Variants in RAB34 observed in about 807,000 individuals in gnomAD.
RAB34 encodes the protein ras-related protein Rab-34.
Under a neutral mutation model 39.0 loss-of-function variants are expected in RAB34, and 33 were observed. The ratio of observed to expected loss-of-function variants is 0.85; its 90% CI spans 0.64 to 1.13. The LOEUF (loss-of-function observed/expected upper bound fraction) is 1.13, where lower values mean the gene tolerates loss of function less well. Among genes scored for constraint, RAB34 ranks in the 50% most tolerant of loss-of-function variants. The probability of loss-of-function intolerance (pLI) is 0.00; values close to 1 mark genes in which losing one functional copy is unlikely to be tolerated. For synonymous variants in RAB34, 135 were observed against 125.1 expected (o/e 1.08, Z -0.53); for missense variants, 289 against 326.1 (o/e 0.89, Z 0.88).
At chr17:28,716,211 G>T in intron 2 of RAB34, 153 bp from the exon 3 acceptor site, 1 of 987,556 alleles carries the variant, frequency 1.0e-6, no homozygotes, top group East Asian at 2.6e-5. Context: ...GGACAGGTGT[G>T]CTGGGGAGGA....
At position 28,716,936 on chromosome 17, in the gene RAB34, C is replaced by A. The variant is rs999262267; in HGVS notation, c.113G>T (p.Cys38Phe). ...GCCTGTCCGGTGCTCCTGGCAGGCG[C>A]AGGTGACGCGGGGGTGGAAGTCTTT... ...GHKDFHPRVTCACQEHRTGTV... is the reference protein window; with the variant it reads ...GHKDFHPRVTFACQEHRTGTV... The change falls in exon 2 of 10, where the codon TGC (cysteine) becomes TTC (phenylalanine). Residue 38 changes from cysteine (C) to phenylalanine (F), a missense_variant. Physicochemically the swap from Cys to Phe is radical, Grantham distance 205. Coordinates refer to ENST00000395245, the MANE Select transcript of RAB34 (RefSeq NM_031934.6). 1 of 1,613,564 alleles carries A rather than the reference C, an allele frequency of 6.2e-7. No individual in the cohort carries two copies. Among genetic ancestry groups the A allele is most frequent in the African/African-American group, 1.3e-5 (1 of 75,046 alleles).
Position 28,715,829 on chromosome 17 carries a change from C to T in RAB34, c.285G>A (p.Glu95=). ...GCAAACTGAAGGGAATGCCCAGCAC[C>T]TCAAATCGTTCCATCTCGAAGTCCA... ...IGVDFEMERF[E]VLGIPFSLQL... is the part of the protein sequence containing the mutation. The change falls in exon 4 of 10, where the codon GAG becomes GAA. Residue 95 remains glutamate (E), a synonymous_variant. Transcript: ENST00000395245. 2 of 1,614,010 alleles carry T rather than the reference C, an allele frequency of 1.2e-6. No homozygotes were observed. The highest frequency in any genetic ancestry group is 2.2e-5 in the East Asian group (1 of 44,868).
At chr17:28,716,778 G>C (rs1597774837) in intron 2 of RAB34, 125 bp downstream of exon 2, 1 of 1,124,772 alleles carries the variant, frequency 8.9e-7, no homozygotes, top group Non-Finnish European at 1.2e-6. Context: ...GGCTTAAAGA[G>C]GGGGAAATAA....
Position 28,717,345 on chromosome 17 carries a change from C to G in RAB34, c.-79G>C. On this transcript the variant is annotated 5_prime_UTR_variant, in exon 1 of 10. Transcript: ENST00000395245. ...TCAGCGACCCGGGCGCGTGGAGACC[C>G]GACGATCACCCGCGGCCGGGGTGTC... 6.5e-7 allele frequency: 1 copy of G among 1,536,160 alleles called. No individual in the cohort carries two copies. The highest frequency in any genetic ancestry group is 8.7e-7 in the Non-Finnish European group (1 of 1,145,292).
Position 28,717,370 on chromosome 17 carries a change from C to T in RAB34, c.-104G>A. 6.5e-7 allele frequency: 1 copy of T among 1,528,520 alleles called. No homozygotes were observed. The highest frequency in any genetic ancestry group is 8.8e-7 in the Non-Finnish European group (1 of 1,141,268). The allele number at this position is 1,528,520 out of a possible 1,614,324, so 94.7% of individuals were successfully genotyped here. A position where few individuals can be genotyped will look rare whatever the true frequency, so the allele number is the denominator to read the frequency against. ...CGACGATCACCCGCGGCCGGGGTGT[C>T]CCGACTACAACTCGGGGCCACGGGG... On this transcript the variant is annotated 5_prime_UTR_variant, in exon 1 of 10. Transcript: ENST00000395245.
chr17:28,714,413 G>T lies in RAB34; in HGVS notation c.*230C>A. ...ACACTCTCCCTCACTACCACTGGGC[G>T]CCCTGGACAGTCCCCTGAGGAGTAG... On this transcript the variant is annotated 3_prime_UTR_variant, in exon 10 of 10. Coordinates refer to ENST00000395245, the MANE Select transcript of RAB34 (RefSeq NM_031934.6). 1.3e-6 allele frequency: 1 copy of T among 774,456 alleles called. No individual in the cohort carries two copies. The highest frequency in any genetic ancestry group is 2.1e-6 in the Non-Finnish European group (1 of 466,010). 48.0% of individuals were successfully genotyped at this position (774,456 alleles called of 1,614,324 possible).
chr17:28,718,067 A>T (rs530069354), upstream of RAB34: 221 of 1,525,172 alleles, frequency 1.4e-4, no homozygotes, highest in East Asian at 5.4e-3. Flanking sequence ...GGGACTCCCC[A>T]GGCTGCTCTC....
chr17:28,717,888 C>T (rs1344818952), upstream of RAB34: 26 of 1,359,766 alleles, frequency 1.9e-5, no homozygotes, highest in Non-Finnish European at 2.3e-5. Context: ...CCCGGAAATT[C>T]CTGGAGAAGG....
chr17:28,716,797 C>T (rs370498021), intron 2 of RAB34, 106 bp downstream of exon 2: 2 of 1,301,178 alleles, frequency 1.5e-6, no homozygotes, highest in African/African-American at 1.5e-5. Flanking sequence ...AACCATATAG[C>T]TGGTAGGGGC....
upstream of RAB34, chr17:28,717,958 T>TCCCCCCCCCC: frequency 1.9e-6 from 1 of 519,548 alleles, no homozygotes; most frequent in Non-Finnish European, 2.2e-6. Context: ...CGCCACCCCC[T>TCCCCCCCCCC]CCTCTCCACC....
intron 1 of RAB34, 53 bp from the exon 2 acceptor site, chr17:28,717,047 C>A: frequency 6.3e-7 from 1 of 1,596,416 alleles, no homozygotes. Flanking sequence ...GCCCTTGTCC[C>A]GCAGCCAAGC....
chr17:28,714,417 TG>T lies in RAB34; in HGVS notation c.*225del. ...TCTCCCTCACTACCACTGGGCGCCC[TG>T]GACAGTCCCCTGAGGAGTAGGGGGC... is the stretch of plus-strand genomic sequence containing the variant. On this transcript the variant is annotated 3_prime_UTR_variant, in exon 10 of 10. Coordinates refer to ENST00000395245, the MANE Select transcript of RAB34 (RefSeq NM_031934.6). 1.2e-6 allele frequency: 1 copy of T among 840,072 alleles called. No homozygotes were observed. 52.0% of individuals were successfully genotyped at this position (840,072 alleles called of 1,614,324 possible).
At chr17:28,717,095 G>C (rs897773973) in intron 1 of RAB34, 101 bp from the exon 2 acceptor site, 5 of 1,550,384 alleles carry the variant, frequency 3.2e-6, no homozygotes, top group Non-Finnish European at 4.4e-6. Context: ...CCACCCAGAA[G>C]CACCAGGCCT....
chr17:28,718,187 AGGGAGG>A (rs761783925), upstream of RAB34: 17 of 1,607,520 alleles, frequency 1.1e-5, no homozygotes, highest in Non-Finnish European at 1.4e-5. Context: ...AGGAACCAGC[AGGGAGG>A]GGAAAGGGGG....
Position 28,714,597 on chromosome 17 carries a change from C to T in RAB34, c.*46G>A, listed in dbSNP as rs749990541. ...TCAAGCTCTGGAGGAATGAGGGTGGCACAGTGCCCTAGGGCTGGGCAGTCT... is the reference window on the plus strand; with the variant it reads ...TCAAGCTCTGGAGGAATGAGGGTGGTACAGTGCCCTAGGGCTGGGCAGTCT... On this transcript the variant is annotated 3_prime_UTR_variant, in exon 10 of 10. Transcript: ENST00000395245. 1.2e-6 allele frequency: 2 copies of T among 1,613,816 alleles called. No homozygotes were observed. The highest frequency in any genetic ancestry group is 1.1e-5 in the South Asian group (1 of 91,076).
chr17:28,716,778 G>A (rs1597774837), intron 2 of RAB34, 125 bp downstream of exon 2: 5 of 1,124,772 alleles, frequency 4.4e-6, no homozygotes, highest in African/African-American at 1.6e-5. Flanking sequence ...GGCTTAAAGA[G>A]GGGGAAATAA....
chr17:28,714,989 C>T (rs1170488545), intron 8 of RAB34, 43 bp downstream of exon 8: 6 of 1,604,176 alleles, frequency 3.7e-6, no homozygotes, highest in East Asian at 4.5e-5. Flanking sequence ...AGAGGAGAGC[C>T]AGGCAAGAGT....
chr17:28,716,150 T>A (rs2033395947), intron 2 of RAB34, 92 bp from the exon 3 acceptor site: 2 of 1,583,648 alleles, frequency 1.3e-6, no homozygotes. Flanking sequence ...GAAAGGTAGC[T>A]GCACCCAGGC....
At chr17:28,716,743 T>G in intron 2 of RAB34, 160 bp downstream of exon 2, 2 of 802,690 alleles carry the variant, frequency 2.5e-6, no homozygotes, top group Non-Finnish European at 3.7e-6. Flanking sequence ...AACAACCTTG[T>G]TGGGAGAAAA....
Sources: allele counts gnomAD v4.1 joint callset, GRCh38; gene constraint gnomAD v4.1.1; transcripts MANE v1.5; gene names NCBI Gene and HGNC (gene_info 2026-07-23, HGNC 2026-07-21).